Variants in KIAA1328 observed in about 807,000 individuals in gnomAD.
KIAA1328 encodes the protein protein hinderin.
A neutral mutation model predicts 68.1 loss-of-function variants in KIAA1328; 52 were observed. That is an observed-to-expected ratio of 0.76 (90% CI 0.61 to 0.96). The LOEUF is 0.96. KIAA1328 is among the 40% of genes least tolerant of loss of function. The probability of loss-of-function intolerance (pLI) is 0.00; values close to 1 mark genes in which losing one functional copy is unlikely to be tolerated. For synonymous variants in KIAA1328, 232 were observed against 239.4 expected, an observed-to-expected ratio of 0.97 and a Z score of 0.28; for missense variants, 641 against 677.6, an observed-to-expected ratio of 0.95 and a Z score of 0.60.
In KIAA1328 at chr18:36,829,190, C is replaced by G; in HGVS notation, c.52C>G (p.Arg18Gly). 1.3e-6 allele frequency: 2 copies of G among 1,531,910 alleles called. No homozygotes were observed. The highest frequency in any genetic ancestry group is 2.0e-5 in the Admixed American group (1 of 49,970). The allele number at this position is 1,531,910 out of a possible 1,614,324, so 94.9% of individuals were successfully genotyped here. A position where few individuals can be genotyped will look rare whatever the true frequency, so the allele number is the denominator to read the frequency against. ...SRPSAAAFWS[R>G]DFSDEEQSVV... ...CCCCAGTGCCGCGGCGTTCTGGAGCCGGGACTGTATCCTTTGCCCGCCTGA... is the reference window on the plus strand; with the variant it reads ...CCCCAGTGCCGCGGCGTTCTGGAGCGGGGACTGTATCCTTTGCCCGCCTGA... The change falls in exon 1 of 10, where the codon CGG becomes GGG. Residue 18 changes from arginine (R) to glycine (G), a missense_variant. Transcript: ENST00000280020.
chr18:37,112,928 A>T (rs1242291910), intron 7 of KIAA1328, among the ~76,000 whole-genome samples: 2 of 152,236 alleles, frequency 1.3e-5, no homozygotes, highest in Admixed American at 6.5e-5. Context: ...GATCAAATGA[A>T]TGAAATGAAG....
chr18:36,882,329 A>G (rs529522925), intron 4 of KIAA1328, among the ~76,000 whole-genome samples: 6 of 152,180 alleles, frequency 3.9e-5, no homozygotes, highest in Non-Finnish European at 7.4e-5. Flanking sequence ...AATATAGACC[A>G]TGATACCCAA....
At chr18:37,060,604 G>GTTAA (rs979661775) in intron 6 of KIAA1328, among the ~76,000 whole-genome samples, 19 of 152,070 alleles carry the variant, frequency 1.2e-4, no homozygotes, top group African/African-American at 4.6e-4. Flanking sequence ...GCCTAATAAA[G>GTTAA]TTAAACGTAT....
intron 7 of KIAA1328, among the ~76,000 whole-genome samples, chr18:37,134,381 TTAA>T (rs754275228): frequency 1.3e-5 from 2 of 152,224 alleles, no homozygotes; most frequent in Non-Finnish European, 2.9e-5. Context: ...GTCATATCTA[TTAA>T]TGTTTACTGT....
intron 6 of KIAA1328, among the ~76,000 whole-genome samples, chr18:37,041,414 A>G (rs1458650512): frequency 2.0e-5 from 3 of 151,634 alleles, no homozygotes; most frequent in Non-Finnish European, 4.4e-5. Context: ...TTTTACTTTC[A>G]AGTTATTTAT....
chr18:36,950,006 G>A (rs2051094340), intron 5 of KIAA1328, among the ~76,000 whole-genome samples: 1 of 152,148 alleles, frequency 6.6e-6, no homozygotes, highest in Admixed American at 6.6e-5. Flanking sequence ...ATATTTATGT[G>A]AAATTCTTAC....
intron 7 of KIAA1328, among the ~76,000 whole-genome samples, chr18:37,150,772 A>T (rs1005440287): frequency 6.6e-6 from 1 of 152,184 alleles, no homozygotes; most frequent in Non-Finnish European, 1.5e-5. Flanking sequence ...AAACAGATGC[A>T]GGAAAAGCAT....
At position 36,870,052 on chromosome 18, in the gene KIAA1328, C is replaced by CGGGG. The variant is rs1488683665; in HGVS notation, c.333-15504_333-15501dup. ...TGATTTTTGTATTTTTTAGTAGAGA[C>CGGGG]GGGGTTTCACCATGTTGACCAGGAT... is the stretch of plus-strand genomic sequence containing the variant. On this transcript the variant is annotated intron_variant, in intron 4 of 9. Coordinates refer to ENST00000280020, the MANE Select transcript of KIAA1328 (RefSeq NM_020776.3). 2.6e-5 allele frequency among the ~76,000 whole-genome samples: 4 copies of CGGGG among 152,000 alleles called. No homozygotes were observed. In the East Asian group the frequency reaches 7.8e-4, roughly 30 times the overall value.
chr18:36,972,392 A>G (rs927649813), intron 6 of KIAA1328, among the ~76,000 whole-genome samples: 7 of 152,310 alleles, frequency 4.6e-5, no homozygotes, highest in African/African-American at 1.7e-4. Context: ...ACAGTGGATC[A>G]CACTATATAA....
At chr18:36,951,170 G>A (rs960408454) in intron 5 of KIAA1328, among the ~76,000 whole-genome samples, 7 of 152,126 alleles carry the variant, frequency 4.6e-5, no homozygotes, top group African/African-American at 1.4e-4. Context: ...CTGGCTCCTT[G>A]ACTATTTGGG....
At chr18:37,107,388 A>AT (rs1374252625) in intron 7 of KIAA1328, among the ~76,000 whole-genome samples, 9 of 152,204 alleles carry the variant, frequency 5.9e-5, no homozygotes, top group Admixed American at 5.2e-4. Flanking sequence ...TAGTAATACT[A>AT]TTTTTAAAAA....
chr18:37,139,678 A>G (rs895324272), intron 7 of KIAA1328, among the ~76,000 whole-genome samples: 1 of 152,220 alleles, frequency 6.6e-6, no homozygotes, highest in Non-Finnish European at 1.5e-5. Flanking sequence ...TCATCCCTGC[A>G]TTAATTTTAA....
chr18:36,935,269 G>C (rs1016992916), intron 5 of KIAA1328, among the ~76,000 whole-genome samples: 1 of 152,204 alleles, frequency 6.6e-6, no homozygotes, highest in Non-Finnish European at 1.5e-5. Context: ...AGAATCTTTT[G>C]AGTAGAAATC....
chr18:37,224,460 C>A lies in KIAA1328; in HGVS notation c.*2233C>A. On this transcript the variant is annotated 3_prime_UTR_variant, in exon 10 of 10. Transcript: ENST00000280020. ...CATTTTTCACATGCAAAACTCATCACCAGTTGCCTTTTTCTAACTTAATGG... is the reference window on the plus strand; with the variant it reads ...CATTTTTCACATGCAAAACTCATCAACAGTTGCCTTTTTCTAACTTAATGG... 1 of 985,378 alleles carries A rather than the reference C, an allele frequency of 1.0e-6. No individual in the cohort carries two copies. The highest frequency in any genetic ancestry group is 1.2e-6 in the Non-Finnish European group (1 of 829,920). The allele number at this position is 985,378 out of a possible 1,614,324, so 61.0% of individuals were successfully genotyped here. A position where few individuals can be genotyped will look rare whatever the true frequency, so the allele number is the denominator to read the frequency against.
At chr18:37,079,930 T>G (rs1463695862) in intron 7 of KIAA1328, among the ~76,000 whole-genome samples, 1 of 152,010 alleles carries the variant, frequency 6.6e-6, no homozygotes, top group Non-Finnish European at 1.5e-5. Context: ...GATTTCTAAT[T>G]TTCTTCCAAT....
At chr18:37,183,637 T>C (rs1185429520) in intron 9 of KIAA1328, among the ~76,000 whole-genome samples, 5 of 152,208 alleles carry the variant, frequency 3.3e-5, no homozygotes, top group African/African-American at 1.2e-4. Flanking sequence ...AGTATATCAA[T>C]AAGCCTGCAG....
chr18:37,181,092 AT>A (rs1048589021), intron 9 of KIAA1328, among the ~76,000 whole-genome samples: 1 of 152,166 alleles, frequency 6.6e-6, no homozygotes, highest in African/African-American at 2.4e-5. Context: ...GAGAACTGTA[AT>A]TTTAGCTTTC....
intron 6 of KIAA1328, among the ~76,000 whole-genome samples, chr18:36,976,012 T>C (rs1357588750): frequency 6.6e-6 from 1 of 152,194 alleles, no homozygotes; most frequent in Non-Finnish European, 1.5e-5. Context: ...TAGAAATCAA[T>C]TGCAATCAAA....
chr18:37,058,323 A>T (rs1202585878), intron 6 of KIAA1328, among the ~76,000 whole-genome samples: 2 of 152,210 alleles, frequency 1.3e-5, no homozygotes, highest in East Asian at 3.9e-4. Flanking sequence ...TTCTAGCTAC[A>T]TGCAACATCA....
Sources: allele counts gnomAD v4.1 joint callset (sites outside exome capture counted in the v4.1 genomes callset), GRCh38; gene constraint gnomAD v4.1.1; transcripts MANE v1.5; gene names NCBI Gene and HGNC (gene_info 2026-07-23, HGNC 2026-07-21).